The following OPA3 variants were observed in gnomAD, a reference collection of about 807,000 sequenced individuals.
OPA3 encodes the protein outer mitochondrial membrane lipid metabolism regulator OPA3, also known as optic atrophy 3 protein.
In OPA3, 6 loss-of-function variants were observed where a neutral mutation model predicts 4.0. The ratio of observed to expected loss-of-function variants is 1.51; its 90% CI spans 0.83 to 2.99. The LOEUF (loss-of-function observed/expected upper bound fraction) is 2.99. Among genes scored for constraint, OPA3 ranks in the 30% most tolerant of loss-of-function variants. OPA3 has a pLI of 0.00. For missense variants in OPA3, 235 were observed against 256.2 expected (o/e 0.92, Z 0.56); for synonymous variants, 105 against 117.1 (o/e 0.90, Z 0.67).
At chr19:45,533,700 G>A (rs1380716945) in intron 1 of OPA3, among the ~76,000 whole-genome samples, 2 of 152,204 alleles carry the variant, frequency 1.3e-5, no homozygotes, top group African/African-American at 2.4e-5. Flanking sequence ...AGCATGGTGA[G>A]GTGTGTGAAT....
chr19:45,530,758 CTTTA>C (rs566460608), intron 1 of OPA3, among the ~76,000 whole-genome samples: 7 of 151,218 alleles, frequency 4.6e-5, no homozygotes, highest in South Asian at 2.1e-4. Context: ...CATGCCCAGC[CTTTA>C]TTTATTTATT....
rs1055992753 is a variant in OPA3 at position 45,560,194 on chromosome 19, T to C, written c.143-6283A>G. Among the ~76,000 whole-genome samples, 3 of 152,108 alleles carry C rather than the reference T, an allele frequency of 2.0e-5. 1 individual carries two copies. Among genetic ancestry groups the C allele is most frequent in the Admixed American group, 2.0e-4 (3 of 15,260 alleles). On this transcript the variant is annotated intron_variant, in intron 1 of 1. Transcript: ENST00000263275. ...CCCTCCAGACTCACTCCCTTTCATCTGTCTTCCATACCGGAGAATCCCAAC... is the reference window on the plus strand; with the variant it reads ...CCCTCCAGACTCACTCCCTTTCATCCGTCTTCCATACCGGAGAATCCCAAC...
At chr19:45,556,998 C>A (rs979001303) in intron 1 of OPA3, among the ~76,000 whole-genome samples, 15 of 152,214 alleles carry the variant, frequency 9.9e-5, no homozygotes, top group Non-Finnish European at 1.8e-4. Flanking sequence ...ATGACACTCG[C>A]CAGACCTGGT....
At chr19:45,572,091 T>G (rs1289096081) in intron 1 of OPA3, among the ~76,000 whole-genome samples, 1 of 129,278 alleles carries the variant, frequency 7.7e-6, no homozygotes, top group African/African-American at 2.5e-5. Context: ...GCTTTTTTCA[T>G]GTGGTGTATA....
Position 45,560,933 on chromosome 19 carries a change from A to G in OPA3, c.143-7022T>C, listed in dbSNP as rs1186285461. ...TTAACTATTGTTCAAGATTTTTCTG[A>G]GCATGAAACTGCAGGTGGCTGGAAT... On this transcript the variant is annotated intron_variant, in intron 1 of 1. Transcript: ENST00000263275. 3.3e-5 allele frequency among the ~76,000 whole-genome samples: 5 copies of G among 152,204 alleles called. No homozygotes were observed. The East Asian group carries it at 9.6e-4, about 29-fold the overall frequency.
intron 1 of OPA3, among the ~76,000 whole-genome samples, chr19:45,566,995 T>C (rs1019112600): frequency 6.6e-6 from 1 of 152,118 alleles, no homozygotes; most frequent in African/African-American, 2.4e-5. Context: ...CATATTCATA[T>C]ACTGTAATAA....
At chr19:45,535,868 G>T (rs1380122073) in intron 1 of OPA3, among the ~76,000 whole-genome samples, 1 of 149,570 alleles carries the variant, frequency 6.7e-6, no homozygotes, top group Non-Finnish European at 1.5e-5. Flanking sequence ...GAGCTCAAGA[G>T]ATTCTCTCAC....
At position 45,572,564 on chromosome 19, in the gene OPA3, T is replaced by G. The variant is rs552595485; in HGVS notation, c.142+12059A>C. On this transcript the variant is annotated intron_variant, in intron 1 of 1. Coordinates refer to ENST00000263275, the MANE Select transcript of OPA3 (RefSeq NM_025136.4). ...ATGATATATATATCATATATGGATA[T>G]ATATCATGATATATGTATATAAATA... Among the ~76,000 whole-genome samples the G allele has an allele frequency of 7.3e-5, 10 of 136,678 alleles. No individual in the cohort carries two copies. In the East Asian group the frequency reaches 2.1e-3, roughly 28 times the overall value. 89.7% of individuals were successfully genotyped at this position (136,678 alleles called of 152,430 possible).
intron 1 of OPA3, among the ~76,000 whole-genome samples, chr19:45,576,546 C>CAT (rs1568410726): frequency 4.4e-5 from 6 of 136,282 alleles, no homozygotes; most frequent in Non-Finnish European, 8.1e-5. Context: ...CCCCCCCCCC[C>CAT]CAAAAAAAAA....
intron 1 of OPA3, among the ~76,000 whole-genome samples, chr19:45,573,307 T>G (rs1171779730): frequency 1.3e-5 from 2 of 151,952 alleles, no homozygotes; most frequent in East Asian, 1.9e-4. Context: ...AAAAATTAGC[T>G]GGGCATGGTG....
intron 1 of OPA3, among the ~76,000 whole-genome samples, chr19:45,562,718 C>A (rs910849329): frequency 1.3e-5 from 2 of 152,054 alleles, no homozygotes; most frequent in Non-Finnish European, 1.5e-5. Context: ...AGAAATGACA[C>A]CTAAATGAAC....
At chr19:45,573,961 G>A (rs886367606) in intron 1 of OPA3, among the ~76,000 whole-genome samples, 1 of 152,066 alleles carries the variant, frequency 6.6e-6, no homozygotes, top group Non-Finnish European at 1.5e-5. Flanking sequence ...TCAGGAGTTG[G>A]AGACCAGCCT....
At chr19:45,533,934 T>C (rs187371418) in intron 1 of OPA3, among the ~76,000 whole-genome samples, 86 of 152,354 alleles carry the variant, frequency 5.6e-4, no homozygotes, top group African/African-American at 2.0e-3. Flanking sequence ...ATGTGAATTC[T>C]AGTATCAGTT....
At chr19:45,559,298 T>C (rs1318538625) in intron 1 of OPA3, among the ~76,000 whole-genome samples, 1 of 152,110 alleles carries the variant, frequency 6.6e-6, no homozygotes, top group East Asian at 1.9e-4. Context: ...TCAGTATTCC[T>C]ACTTTCTCTA....
chr19:45,560,515 C>G (rs1969487313), intron 1 of OPA3, among the ~76,000 whole-genome samples: 1 of 152,158 alleles, frequency 6.6e-6, no homozygotes, highest in South Asian at 2.1e-4. Flanking sequence ...CCTTCTCTCT[C>G]TCCTGATGCT....
At position 45,571,387 on chromosome 19, in the gene OPA3, T is replaced by G. The variant is rs139105681; in HGVS notation, c.142+13236A>C. Among the ~76,000 whole-genome samples, 1,086 of 152,274 alleles carry G rather than the reference T, an allele frequency of 7.1e-3. 14 individuals carry two copies. Among genetic ancestry groups the G allele is most frequent in the African/African-American group, 0.024 (1,017 of 41,558 alleles). ...GTCTTGAACTCCCCGCCTCAGGGGATCCACCCGCCTTGGACTCGCAAAGTG... is the reference window on the plus strand; with the variant it reads ...GTCTTGAACTCCCCGCCTCAGGGGAGCCACCCGCCTTGGACTCGCAAAGTG... On this transcript the variant is annotated intron_variant, in intron 1 of 1. Coordinates refer to ENST00000263275, the MANE Select transcript of OPA3 (RefSeq NM_025136.4).
At chr19:45,560,937 T>A (rs1054469589) in intron 1 of OPA3, among the ~76,000 whole-genome samples, 2 of 152,228 alleles carry the variant, frequency 1.3e-5, no homozygotes, top group African/African-American at 4.8e-5. Flanking sequence ...TTTCTGAGCA[T>A]GAAACTGCAG....
At chr19:45,533,010 G>A (rs971423081) in intron 1 of OPA3, among the ~76,000 whole-genome samples, 2 of 151,760 alleles carry the variant, frequency 1.3e-5, no homozygotes, top group Non-Finnish European at 2.9e-5. Flanking sequence ...TCCTGCCTCA[G>A]CCTCCCGAGT....
intron 1 of OPA3, among the ~76,000 whole-genome samples, chr19:45,569,731 T>TAC (rs1377659481): frequency 6.6e-6 from 1 of 151,936 alleles, no homozygotes; most frequent in Middle Eastern, 3.4e-3. Flanking sequence ...CGCCCCTCCA[T>TAC]ACACACACGC....
Sources: allele counts gnomAD v4.1 joint callset (sites outside exome capture counted in the v4.1 genomes callset), GRCh38; gene constraint gnomAD v4.1.1; transcripts MANE v1.5; gene names NCBI Gene and HGNC (gene_info 2026-07-23, HGNC 2026-07-21).